The following SMIM7 variants were observed in gnomAD, a reference collection of about 807,000 sequenced individuals.
The protein encoded by SMIM7 is UPF0608 protein C19orf42.
Under a neutral mutation model 13.3 loss-of-function variants are expected in SMIM7, and 12 were observed. That is an observed-to-expected ratio of 0.90 (90% CI 0.58 to 1.46). The LOEUF (loss-of-function observed/expected upper bound fraction) is 1.46. SMIM7 is among the 40% of genes most tolerant of loss of function. SMIM7 has a pLI of 0.00. For synonymous variants in SMIM7, 36 were observed against 35.8 expected (o/e 1.01, Z -0.02); for missense variants, 114 against 94.8 (o/e 1.20, Z -0.84).
chr19:16,636,654 CT>C (rs1248170474), intron 4 of SMIM7: 4 of 152,368 alleles, frequency 2.6e-5, no homozygotes, highest in Admixed American at 6.5e-5. Flanking sequence ...ACGAATACGG[CT>C]TTAAAGAAAA....
chr19:16,659,399 G>C lies in SMIM7; in HGVS notation c.117C>G (p.Ser39Arg). The C allele has an allele frequency of 6.2e-7, 1 of 1,613,526 alleles. No homozygotes were observed. ...QGFGEESREP[S>R]TGDNIREFLL... ...CAGGATCCAATTAGACCTTACCTGT[G>C]CTGGGCTCCCTGGACTCCTCCCCAA... Residue 39 changes from serine to arginine, a missense_variant, in exon 3 of 5, where the codon AGC becomes AGG. Coordinates refer to ENST00000487416, the MANE Select transcript of SMIM7 (RefSeq NM_024104.4).
chr19:16,653,146 T>C (rs1205310561), intron 4 of SMIM7, among the ~76,000 whole-genome samples: 4 of 152,236 alleles, frequency 2.6e-5, no homozygotes, highest in Admixed American at 6.5e-5. Flanking sequence ...CGGCATCTCC[T>C]GGCAGCCCCT....
At chr19:16,653,871 G>C in intron 4 of SMIM7, 164 bp downstream of exon 4, 1 of 637,278 alleles carries the variant, frequency 1.6e-6, no homozygotes, top group Non-Finnish European at 2.6e-6. Context: ...CTCCAGTTTA[G>C]GCGACAGAGC....
At chr19:16,652,843 T>C in intron 4 of SMIM7, 6 of 1,549,884 alleles carry the variant, frequency 3.9e-6, no homozygotes, top group Middle Eastern at 3.3e-4. Flanking sequence ...AACACCAGAT[T>C]CTCCCGTCGT....
rs771255419 is a variant in SMIM7, at chr19:16,660,070, G to A, written c.26+15C>T. On this transcript the variant is annotated intron_variant, in intron 1 of 4. Coordinates refer to ENST00000487416, the MANE Select transcript of SMIM7 (RefSeq NM_024104.4). ...GCCTGGCTCTCTCTTCCCAGCCTCT[G>A]GTCCCCCTAATTACCCGAACAGCAG... 1.2e-5 allele frequency: 20 copies of A among 1,614,204 alleles called. No homozygotes were observed. Among genetic ancestry groups the A allele is most frequent in the South Asian group, 6.6e-5 (6 of 91,086 alleles).
At chr19:16,632,751 G>A (rs2086331123) in intron 4 of SMIM7, among the ~76,000 whole-genome samples, 2 of 151,612 alleles carry the variant, frequency 1.3e-5, no homozygotes, top group Admixed American at 1.3e-4. Flanking sequence ...AGGCTGCTCT[G>A]GAACTCCTGA....
At chr19:16,652,836 A>C in intron 4 of SMIM7, 2 of 1,549,828 alleles carry the variant, frequency 1.3e-6, no homozygotes, top group Non-Finnish European at 1.7e-6. Flanking sequence ...GGCCAAGAAC[A>C]CCAGATTCTC....
intron 4 of SMIM7, among the ~76,000 whole-genome samples, chr19:16,649,535 T>G (rs945591801): frequency 9.2e-5 from 14 of 152,150 alleles, no homozygotes; most frequent in African/African-American, 3.4e-4. Context: ...AACGTGCCAC[T>G]GCACTCCAGC....
Position 16,659,572 on chromosome 19 carries a change from G to A in SMIM7, c.69-125C>T, listed in dbSNP as rs1029394994. On this transcript the variant is annotated intron_variant, in intron 2 of 4. Transcript: ENST00000487416. ...TGGCCCTGCCGCAAACTTGCTGTGT[G>A]ACCTCTGACGTTCAATACCCTTCTC... 1.1e-5 allele frequency: 10 copies of A among 936,968 alleles called. No individual in the cohort carries two copies. In the Admixed American group the frequency reaches 1.3e-4, roughly 12 times the overall value. The allele number at this position is 936,968 out of a possible 1,614,324, so 58.0% of individuals were successfully genotyped here. A position where few individuals can be genotyped will look rare whatever the true frequency, so the allele number is the denominator to read the frequency against.
chr19:16,648,473 A>G (rs553395554), intron 4 of SMIM7, among the ~76,000 whole-genome samples: 1 of 152,302 alleles, frequency 6.6e-6, no homozygotes, highest in South Asian at 2.1e-4. Flanking sequence ...GCTTAAAATG[A>G]CACCATCAAG....
Position 16,654,104 on chromosome 19 carries a change from A to G in SMIM7, c.143T>C (p.Leu48Ser). Reference protein sequence around the residue: ...PSTGDNIREFLLSLRYFRIFI... With the variant: ...PSTGDNIREFSLSLRYFRIFI... ...GATTCGAAAGTATCTGAGGCTCAGC[A>G]AGAATTCCCGGATGTTGTCACCTGG... is the stretch of plus-strand genomic sequence containing the variant. Residue 48 changes from leucine (L) to serine (S), a missense_variant, in exon 4 of 5, where the codon TTG becomes TCG. Leu to Ser is a moderately radical substitution (Grantham distance 145). Coordinates refer to ENST00000487416, the MANE Select transcript of SMIM7 (RefSeq NM_024104.4). 4 of 1,614,162 alleles carry G rather than the reference A, an allele frequency of 2.5e-6. No homozygotes were observed. Among genetic ancestry groups the G allele is most frequent in the Non-Finnish European group, 8.5e-7 (1 of 1,180,034 alleles).
chr19:16,631,943 C>T (rs753302675), intron 4 of SMIM7, among the ~76,000 whole-genome samples: 11 of 150,966 alleles, frequency 7.3e-5, no homozygotes, highest in Non-Finnish European at 1.5e-4. Context: ...GATCTTGGCT[C>T]ACTGCAATCT....
downstream of SMIM7, among the ~76,000 whole-genome samples, chr19:16,642,938 G>A (rs545600249): frequency 8.6e-5 from 13 of 150,922 alleles, 1 homozygote; most frequent in Middle Eastern, 3.4e-3. Flanking sequence ...ATTCTCCTGC[G>A]TCAGCCTCCT....
chr19:16,659,602 C>G, intron 2 of SMIM7, 155 bp from the exon 3 acceptor site: 1 of 744,896 alleles, frequency 1.3e-6, no homozygotes, highest in South Asian at 1.7e-5. Flanking sequence ...CTTCTCTGGG[C>G]CCCCACTGCC....
chr19:16,653,680 G>T, intron 4 of SMIM7: 1 of 241,668 alleles, frequency 4.1e-6, no homozygotes, highest in African/African-American at 2.3e-5. Context: ...CGAATCACAA[G>T]GTCAGGAGAT....
chr19:16,659,566 CTGTG>C, intron 2 of SMIM7, 119 bp from the exon 3 acceptor site: 1 of 996,662 alleles, frequency 1.0e-6, no homozygotes, highest in South Asian at 1.4e-5. Flanking sequence ...CGCAAACTTG[CTGTG>C]TGACCTCTGA....
chr19:16,638,578 G>T (rs2086378682), intron 4 of SMIM7, among the ~76,000 whole-genome samples: 1 of 151,950 alleles, frequency 6.6e-6, no homozygotes, highest in African/African-American at 2.4e-5. Context: ...TAAGTGTTGG[G>T]ATTACAGGCA....
intron 3 of SMIM7, among the ~76,000 whole-genome samples, chr19:16,655,680 CAAAAAAAAAAAAA>C (rs869256040): frequency 1.6e-4 from 6 of 38,516 alleles, no homozygotes; most frequent in Admixed American, 1.5e-3. Context: ...GACTCCATCT[CAAAAAAAAAAAAA>C]AAAAAAAAAA....
rs1471604041 is a variant in SMIM7 at position 16,646,330 on chromosome 19, C to A, written c.*916G>T. ...ACCAGACAACAAAAAACTCAACAAG[C>A]AAATCACACAGTTGTGGGATTCAGC... On this transcript the variant is annotated 3_prime_UTR_variant, in exon 5 of 5. Coordinates refer to ENST00000487416, the MANE Select transcript of SMIM7 (RefSeq NM_024104.4). The A allele has an allele frequency of 6.6e-6, 1 of 152,080 alleles. No homozygotes were observed. The highest frequency in any genetic ancestry group is 1.5e-5 in the Non-Finnish European group (1 of 68,004). The allele number at this position is 152,080 out of a possible 1,614,324, so 9.4% of individuals were successfully genotyped here.
Sources: gnomAD v4.1 joint callset for allele counts (sites outside exome capture counted in the v4.1 genomes callset) on GRCh38, gnomAD v4.1.1 for gene constraint, MANE v1.5 for transcripts, NCBI Gene and HGNC (gene_info 2026-07-23, HGNC 2026-07-21) for gene names.